ANKRD28: variants seen among roughly 807,000 people sequenced by gnomAD.
The protein encoded by ANKRD28 is ankyrin repeat domain 28, also known as serine/threonine-protein phosphatase 6 regulatory ankyrin repeat subunit A.
In ANKRD28, 44 loss-of-function variants were observed where a neutral mutation model predicts 126.5. The ratio of observed to expected loss-of-function variants is 0.35; its 90% CI spans 0.27 to 0.45. The LOEUF is 0.45. Ranked by LOEUF, ANKRD28 falls within the 20% of genes least tolerant of loss-of-function variation. ANKRD28 has a pLI of 1.00. For missense variants in ANKRD28, 1,110 were observed against 1,316.6 expected (o/e 0.84, Z 2.43); for synonymous variants, 442 against 468.5 (o/e 0.94, Z 0.73).
chr3:15,771,204 GT>G (rs1214462702), intron 2 of ANKRD28, among the ~76,000 whole-genome samples: 21 of 152,156 alleles, frequency 1.4e-4, no homozygotes, highest in Non-Finnish European at 3.1e-4. Context: ...GAGGACAGGA[GT>G]TGGAGACCAA....
chr3:15,842,201 C>A (rs1559591334), intron 1 of ANKRD28, among the ~76,000 whole-genome samples: 1 of 151,792 alleles, frequency 6.6e-6, no homozygotes, highest in Non-Finnish European at 1.5e-5. Flanking sequence ...AATATATGGT[C>A]CATACACACA....
chr3:15,694,718 G>A (rs373860252), intron 17 of ANKRD28, 21 bp downstream of exon 17: 14 of 1,603,986 alleles, frequency 8.7e-6, no homozygotes, highest in Middle Eastern at 1.6e-4. Flanking sequence ...CCATCAAGTC[G>A]GCTATGAAGG....
chr3:15,739,495 G>A (rs2075287839), intron 4 of ANKRD28, among the ~76,000 whole-genome samples: 2 of 151,984 alleles, frequency 1.3e-5, no homozygotes, highest in Admixed American at 6.6e-5. Context: ...AGAGATCTGG[G>A]TTCTCATGTC....
In ANKRD28 at chr3:15,853,043, G is replaced by A. The variant is rs1262579137; in HGVS notation, c.27+6334C>T. On this transcript the variant is annotated intron_variant, in intron 1 of 27. Transcript: ENST00000399451. The surrounding 1 kb of genome is among the most constrained non-coding windows in gnomAD (Gnocchi z 4.2). ...TAATTTAATAGCATAACTAAGAATT[G>A]GGGATGAGGGATGGGAATGGAAATT... is the stretch of plus-strand genomic sequence containing the variant. Among the ~76,000 whole-genome samples, 1 of 151,852 alleles carries A rather than the reference G, an allele frequency of 6.6e-6. No homozygotes were observed. The highest frequency in any genetic ancestry group is 2.4e-5 in the African/African-American group (1 of 41,308).
At chr3:15,734,903 A>G (rs954382287) in intron 6 of ANKRD28, among the ~76,000 whole-genome samples, 4 of 92,850 alleles carry the variant, frequency 4.3e-5, no homozygotes, top group African/African-American at 1.2e-4. Context: ...TTAGAGTACA[A>G]TTTTGCAGAC....
chr3:15,735,294 ATACTGTG>A, intron 6 of ANKRD28, 109 bp downstream of exon 6: 1 of 816,878 alleles, frequency 1.2e-6, no homozygotes. Context: ...TCAAACTCAG[ATACTGTG>A]TAGCTTTTCA....
At chr3:15,679,206 G>T in intron 23 of ANKRD28, 95 bp downstream of exon 23, 1 of 1,193,466 alleles carries the variant, frequency 8.4e-7, no homozygotes, top group Non-Finnish European at 1.2e-6. Context: ...CTGGCTTCAA[G>T]TCATCCTCCC....
At chr3:15,775,331 C>T (rs1222901939) in intron 2 of ANKRD28, among the ~76,000 whole-genome samples, 1 of 152,236 alleles carries the variant, frequency 6.6e-6, no homozygotes, top group African/African-American at 2.4e-5. Flanking sequence ...TCTACTCACA[C>T]ACCACTCAAT....
intron 12 of ANKRD28, 110 bp downstream of exon 12, chr3:15,711,101 T>C: frequency 1.1e-6 from 1 of 939,248 alleles, no homozygotes; most frequent in Non-Finnish European, 1.6e-6. Context: ...ACTCCTGTTT[T>C]GTTTTCTATT....
chr3:15,705,554 T>C (rs2071239145), intron 14 of ANKRD28, among the ~76,000 whole-genome samples: 1 of 152,216 alleles, frequency 6.6e-6, no homozygotes, highest in Admixed American at 6.5e-5. Context: ...CATGAAATTA[T>C]AAAACTGATA....
chr3:15,718,990 A>G (rs1414449420), intron 8 of ANKRD28, among the ~76,000 whole-genome samples: 1 of 152,240 alleles, frequency 6.6e-6, no homozygotes, highest in Non-Finnish European at 1.5e-5. Flanking sequence ...TTCAAATTAA[A>G]ATAAGCAGTT....
At chr3:15,837,876 C>T (rs749327087) in intron 1 of ANKRD28, among the ~76,000 whole-genome samples, 6 of 146,998 alleles carry the variant, frequency 4.1e-5, no homozygotes, top group Non-Finnish European at 7.4e-5. Context: ...ACTGACAAAC[C>T]TTTAATTAAG....
intron 9 of ANKRD28, 146 bp from the exon 10 acceptor site, chr3:15,713,787 G>A: frequency 2.1e-6 from 1 of 474,096 alleles, no homozygotes; most frequent in Non-Finnish European, 3.7e-6. Flanking sequence ...CTCATTTATT[G>A]GGCCAGGCAA....
chr3:15,777,271 CAA>C (rs148444429), intron 2 of ANKRD28, among the ~76,000 whole-genome samples: 62,643 of 110,902 alleles, frequency 0.56, 14,817 homozygotes, highest in Admixed American at 0.66. Context: ...GACTCCGTCT[CAA>C]AAAAAAAAAA....
chr3:15,669,976 A>G lies in ANKRD28; in HGVS notation c.*294T>C. 6.2e-6 allele frequency: 2 copies of G among 324,490 alleles called. No individual in the cohort carries two copies. Among genetic ancestry groups the G allele is most frequent in the Non-Finnish European group, 1.1e-5 (2 of 174,760 alleles). 20.1% of individuals were successfully genotyped at this position (324,490 alleles called of 1,614,324 possible). ...AGTGTTGCTTGTGTAAGCAGGTTAG[A>G]GTGCACAGTGTCCCCAATTGTTCCT... On this transcript the variant is annotated 3_prime_UTR_variant, in exon 28 of 28. Coordinates refer to ENST00000683139, the MANE Select transcript of ANKRD28 (RefSeq NM_001349278.2).
intron 13 of ANKRD28, among the ~76,000 whole-genome samples, chr3:15,708,717 T>C (rs918190142): frequency 1.3e-5 from 2 of 152,174 alleles, no homozygotes; most frequent in Admixed American, 6.5e-5. Context: ...GTTCTTTCCA[T>C]TAAGTAGGCT....
intron 2 of ANKRD28, among the ~76,000 whole-genome samples, chr3:15,772,430 A>G (rs976815260): frequency 1.3e-5 from 2 of 152,170 alleles, no homozygotes; most frequent in African/African-American, 2.4e-5. Flanking sequence ...AAAAAACAAA[A>G]AAACCCAGAG....
chr3:15,724,550 AAT>A (rs1246249205), intron 6 of ANKRD28, 26 bp from the exon 7 acceptor site: 15 of 1,541,994 alleles, frequency 9.7e-6, no homozygotes, highest in South Asian at 2.4e-5. Flanking sequence ...TGAAGAAAAA[AAT>A]AGAGATGAGC....
chr3:15,797,710 C>T lies in ANKRD28; in HGVS notation c.-1189G>A, dbSNP rs2125836489. 1 of 985,388 alleles carries T rather than the reference C, an allele frequency of 1.0e-6. No individual in the cohort carries two copies. Among genetic ancestry groups the T allele is most frequent in the East Asian group, 1.1e-4 (1 of 8,810 alleles). The allele number at this position is 985,388 out of a possible 1,614,324, so 61.0% of individuals were successfully genotyped here. A position where few individuals can be genotyped will look rare whatever the true frequency, so the allele number is the denominator to read the frequency against. On this transcript the variant is annotated 5_prime_UTR_variant, in exon 1 of 28. It removes an upstream start codon present in the reference 5' UTR. Transcript: ENST00000683139. ...CTTTGAGCCAACTACTTTATTCAGT[C>T]ATCTGCCTCTTTGCCAATATAGTTT...
Sources: gnomAD v4.1 joint callset for allele counts (sites outside exome capture counted in the v4.1 genomes callset) on GRCh38, gnomAD v4.1.1 for gene constraint, Gnocchi (gnomAD v3.1) non-coding constraint, MANE v1.5 for transcripts, NCBI Gene and HGNC (gene_info 2026-07-23, HGNC 2026-07-21) for gene names.